SLC43A1: variants seen among roughly 807,000 people sequenced by gnomAD.
SLC43A1 encodes the protein large neutral amino acids transporter small subunit 3.
In SLC43A1, 31 loss-of-function variants were observed where a neutral mutation model predicts 59.5. The ratio of observed to expected loss-of-function variants is 0.52; its 90% CI spans 0.39 to 0.70. The LOEUF is 0.70. Ranked by LOEUF, SLC43A1 falls within the 30% of genes least tolerant of loss-of-function variation. The probability of loss-of-function intolerance (pLI) is 0.00; values close to 1 mark genes in which losing one functional copy is unlikely to be tolerated. For missense variants in SLC43A1, 598 were observed against 717.8 expected (o/e 0.83, Z 1.91); for synonymous variants, 259 against 290.9 (o/e 0.89, Z 1.12).
rs758237291 is a variant in SLC43A1, at chr11:57,485,150, G to C, written c.1626C>G (p.Ala542=). The C allele has an allele frequency of 3.7e-6, 6 of 1,614,098 alleles. No homozygotes were observed. Among genetic ancestry groups the C allele is most frequent in the Non-Finnish European group, 5.1e-6 (6 of 1,180,024 alleles). The change falls in exon 15 of 15, where the codon GCC becomes GCG. Residue 542 remains alanine, a synonymous_variant. Transcript: ENST00000278426. ...YYRARLQQEY[A]ANGMGPLKVL... ...CCTTCAGTGGGCCCATCCCATTGGC[G>C]GCGTACTCCTGCTGGAGCCGGGCAC...
In SLC43A1 at chr11:57,496,128, T is replaced by TGATGACCAC. The variant is rs1944078773; in HGVS notation, c.586_594dup (p.Val196_Ile198dup). ...CAGGCCAGGCCAGACCAGGTGAACA[T>TGATGACCAC]GATGACCACGAAGGCCACACCGGCA... On this transcript the variant is annotated inframe_insertion, in exon 7 of 15. Transcript: ENST00000278426. 6.2e-7 allele frequency: 1 copy of TGATGACCAC among 1,613,994 alleles called. No individual in the cohort carries two copies. Among genetic ancestry groups the TGATGACCAC allele is most frequent in the Non-Finnish European group, 8.5e-7 (1 of 1,179,982 alleles).
Position 57,501,307 on chromosome 11 carries a change from G to A in SLC43A1, c.177C>T (p.Thr59=). 1 of 1,610,368 alleles carries A rather than the reference G, an allele frequency of 6.2e-7. No homozygotes were observed. The highest frequency in any genetic ancestry group is 1.1e-5 in the South Asian group (1 of 91,076). Residue 59 remains threonine, a synonymous_variant, in exon 3 of 15, where the codon ACC becomes ACT. Coordinates refer to ENST00000278426, the MANE Select transcript of SLC43A1 (RefSeq NM_003627.6). ...TCPAESSTNT[T]QDEQRRWPGC... ...CTGGCCACCTGCGCTGCTCATCCTG[G>A]GTGGTGTTGGTGCTGCTCTCAGCTG...
Position 57,494,072 on chromosome 11 carries a change from C to T in SLC43A1, c.792G>A (p.Lys264=). The change falls in exon 8 of 15, where the codon AAG becomes AAA. Residue 264 remains lysine (K), a synonymous_variant. Transcript: ENST00000278426. The stretch of plus-strand genomic sequence containing the variant: ...CCGAACCGTCCTCCAGGCTGGGGGC[C>T]TTCTGGCTGAGCCTCTGGCCCATGG... ...VTTMGQRLSQ[K]APSLEDGSDA... 6.2e-7 allele frequency: 1 copy of T among 1,611,562 alleles called. No homozygotes were observed. The highest frequency in any genetic ancestry group is 8.5e-7 in the Non-Finnish European group (1 of 1,178,880).
chr11:57,505,567 CA>C (rs1372108401), intron 2 of SLC43A1, among the ~76,000 whole-genome samples: 1 of 151,954 alleles, frequency 6.6e-6, no homozygotes. Context: ...TATATACGTA[CA>C]TATATATGTA....
intron 14 of SLC43A1, among the ~76,000 whole-genome samples, chr11:57,486,616 G>A (rs1359222400): frequency 2.0e-5 from 3 of 150,868 alleles, no homozygotes; most frequent in Non-Finnish European, 4.4e-5. Context: ...TGGCTAGCAT[G>A]GTGAAACCCC....
At position 57,493,978 on chromosome 11, in the gene SLC43A1, T is replaced by G; in HGVS notation, c.871+15A>C. The G allele has an allele frequency of 6.4e-7, 1 of 1,572,796 alleles. No homozygotes were observed. The highest frequency in any genetic ancestry group is 8.6e-7 in the Non-Finnish European group (1 of 1,161,226). Reference sequence around the variant, plus strand: ...TCACTATCCCCCAAGGCCGGCACCTTGACCAGACACTCACTCTCAGGAAGG... The same window carrying G: ...TCACTATCCCCCAAGGCCGGCACCTGGACCAGACACTCACTCTCAGGAAGG... On this transcript the variant is annotated intron_variant, in intron 8 of 14. Transcript: ENST00000278426.
At chr11:57,486,576 G>C (rs1490825856) in intron 14 of SLC43A1, among the ~76,000 whole-genome samples, 1 of 150,498 alleles carries the variant, frequency 6.6e-6, no homozygotes, top group Admixed American at 6.6e-5. Flanking sequence ...GAGGAGGGCA[G>C]ATCACGAGGT....
rs909470844 is a variant in SLC43A1, at chr11:57,491,945, G to A, written c.872-83C>T. The A allele has an allele frequency of 1.4e-5, 18 of 1,333,070 alleles. No individual in the cohort carries two copies. In the East Asian group the frequency reaches 4.0e-4, roughly 30 times the overall value. The allele number at this position is 1,333,070 out of a possible 1,614,324, so 82.6% of individuals were successfully genotyped here. ...TCCCAGCTCATGCAGTTCTTGGGGG[G>A]AGTGACACTAACTATGTGACTTTGG... On this transcript the variant is annotated intron_variant, in intron 8 of 14. Coordinates refer to ENST00000278426, the MANE Select transcript of SLC43A1 (RefSeq NM_003627.6).
chr11:57,503,995 C>T (rs540485461), intron 2 of SLC43A1, among the ~76,000 whole-genome samples: 4 of 152,138 alleles, frequency 2.6e-5, no homozygotes, highest in South Asian at 2.1e-4. Flanking sequence ...AGATCGAGAC[C>T]ATCCTGGCTA....
intron 2 of SLC43A1, among the ~76,000 whole-genome samples, chr11:57,502,319 G>T (rs943401062): frequency 6.6e-6 from 1 of 152,252 alleles, no homozygotes; most frequent in Non-Finnish European, 1.5e-5. Context: ...TGTGCACCTT[G>T]ACCAAGTAAC....
In SLC43A1 at chr11:57,492,411, C is replaced by G. The variant is rs572280061; in HGVS notation, c.872-549G>C. ...AAGACCAGCCTGGTGGTCAACATAG[C>G]AAGACCCTATCTCTAAAAAATATAT... On this transcript the variant is annotated intron_variant, in intron 8 of 14. Transcript: ENST00000278426. Among the ~76,000 whole-genome samples, 15 of 129,306 alleles carry G rather than the reference C, an allele frequency of 1.2e-4. No homozygotes were observed. In the South Asian group the frequency reaches 1.7e-3, roughly 15 times the overall value. 84.8% of individuals were successfully genotyped at this position (129,306 alleles called of 152,430 possible).
intron 2 of SLC43A1, among the ~76,000 whole-genome samples, chr11:57,505,244 G>A (rs1275009991): frequency 6.6e-6 from 1 of 152,230 alleles, no homozygotes; most frequent in African/African-American, 2.4e-5. Context: ...AGCCGCAGTA[G>A]CTCGCACCTA....
chr11:57,507,216 C>T (rs1944413292), intron 2 of SLC43A1, among the ~76,000 whole-genome samples: 2 of 152,178 alleles, frequency 1.3e-5, no homozygotes, highest in South Asian at 4.1e-4. Flanking sequence ...GCCTGTAATC[C>T]TAGCACTTTA....
At chr11:57,496,610 G>A (rs1020433303) in intron 6 of SLC43A1, among the ~76,000 whole-genome samples, 1 of 152,136 alleles carries the variant, frequency 6.6e-6, no homozygotes, top group Admixed American at 6.5e-5. Context: ...TTCCCCAGGG[G>A]AAAAGGCAAA....
intron 2 of SLC43A1, among the ~76,000 whole-genome samples, chr11:57,513,508 G>A (rs893716787): frequency 1.3e-5 from 2 of 152,344 alleles, no homozygotes; most frequent in East Asian, 1.9e-4. Context: ...AGTAAATGAG[G>A]CTATGTAACT....
chr11:57,488,933 C>G lies in SLC43A1; in HGVS notation c.1392G>C (p.Gly464=), dbSNP rs768669485. ...IVRGFFHSAC[G]SLYAAVFPSN... ...AGACTCACACTGCAGCATAGAGACT[C>G]CCACAGGCTGAGTGGAAGAAACCTC... The change falls in exon 13 of 15, where the codon GGG becomes GGC. Residue 464 remains glycine, a synonymous_variant. Coordinates refer to ENST00000278426, the MANE Select transcript of SLC43A1 (RefSeq NM_003627.6). 5.0e-6 allele frequency: 8 copies of G among 1,613,960 alleles called. No homozygotes were observed. Among genetic ancestry groups the G allele is most frequent in the Non-Finnish European group, 6.8e-6 (8 of 1,179,930 alleles).
chr11:57,497,829 C>A lies in SLC43A1; in HGVS notation c.482G>T (p.Gly161Val), dbSNP rs772137909. 1.2e-6 allele frequency: 2 copies of A among 1,613,248 alleles called. No homozygotes were observed. Among genetic ancestry groups the A allele is most frequent in the South Asian group, 2.2e-5 (2 of 91,012 alleles). Residue 161 changes from glycine to valine, a missense_variant, in exon 6 of 15, where the codon GGG becomes GTG. Transcript: ENST00000278426. Reference protein sequence around the residue: ...FTSLTLPNMFGNLRSTLMALM... With the variant: ...FTSLTLPNMFVNLRSTLMALM... ...GGCCATTAACGTGGAGCGCAGGTTC[C>A]CAAACATGTTGGGCAGCTGAGGAGG...
chr11:57,498,499 G>C (rs2135183193), intron 5 of SLC43A1, among the ~76,000 whole-genome samples: 1 of 152,270 alleles, frequency 6.6e-6, no homozygotes, highest in Non-Finnish European at 1.5e-5. Flanking sequence ...CAACCCATTT[G>C]AGATGAGACA....
Position 57,492,567 on chromosome 11 carries a change from TATATATAA to T in SLC43A1, c.872-713_872-706del, listed in dbSNP as rs1432420358. Among the ~76,000 whole-genome samples, 195 of 24,240 alleles carry T rather than the reference TATATATAA, an allele frequency of 8.0e-3. 1 individual carries two copies. Among genetic ancestry groups the T allele is most frequent in the East Asian group, 0.075 (19 of 252 alleles). 15.9% of individuals were successfully genotyped at this position (24,240 alleles called of 152,430 possible). The stretch of plus-strand genomic sequence containing the variant: ...ATATATATATATATATATATATATA[TATATATAA>T]AAAAATAAGCCAGGCATGGTTGTGC... On this transcript the variant is annotated intron_variant, in intron 8 of 14. Transcript: ENST00000278426.
Sources: gnomAD v4.1 joint callset for allele counts (sites outside exome capture counted in the v4.1 genomes callset) on GRCh38, gnomAD v4.1.1 for gene constraint, MANE v1.5 for transcripts, NCBI Gene and HGNC (gene_info 2026-07-23, HGNC 2026-07-21) for gene names.